The following RNF14 variants were observed in gnomAD, a reference collection of about 807,000 sequenced individuals.
RNF14 encodes the protein ring finger protein 14, also known as E3 ubiquitin-protein ligase RNF14.
In RNF14, 26 loss-of-function variants were observed where a neutral mutation model predicts 52.6. The ratio of observed to expected loss-of-function variants is 0.49; its 90% CI spans 0.36 to 0.69. The LOEUF (loss-of-function observed/expected upper bound fraction) is 0.69. Ranked by LOEUF, RNF14 falls within the 30% of genes least tolerant of loss-of-function variation. The pLI is 0.00. For missense variants in RNF14, 404 were observed against 560.4 expected (o/e 0.72, Z 2.82); for synonymous variants, 194 against 202.0 (o/e 0.96, Z 0.34).
intron 7 of RNF14, 36 bp from the exon 8 acceptor site, chr5:141,984,767 G>A: frequency 3.1e-6 from 5 of 1,609,130 alleles, no homozygotes; most frequent in Non-Finnish European, 4.3e-6. Flanking sequence ...TGCTTTTACA[G>A]CCTTGATATT....
the RNF14 span, chr5:141,951,446 G>T: frequency 2.2e-6 from 3 of 1,394,396 alleles, no homozygotes; most frequent in Non-Finnish European, 3.1e-6. Flanking sequence ...GATGAGGGGC[G>T]GCCAGTAGGG....
chr5:141,986,471 C>T (rs1051919297), intron 8 of RNF14, among the ~76,000 whole-genome samples: 1 of 152,224 alleles, frequency 6.6e-6, no homozygotes, highest in African/African-American at 2.4e-5. Context: ...ATAATAGTGT[C>T]TTGAAAGGGT....
At chr5:141,950,626 G>A in the RNF14 span, among the ~76,000 whole-genome samples, 3 of 152,150 alleles carry the variant, frequency 2.0e-5, no homozygotes, top group African/African-American at 2.4e-5. Context: ...ATCCAGGCCA[G>A]TGTGACCCTG....
chr5:141,985,061 A>G (rs1755115697), intron 8 of RNF14, 128 bp downstream of exon 8: 1 of 870,832 alleles, frequency 1.1e-6, no homozygotes, highest in African/African-American at 1.7e-5. Flanking sequence ...TTTCCCCTAT[A>G]AAGGAATTTT....
At chr5:141,977,592 C>G (rs1472852405) in intron 4 of RNF14, among the ~76,000 whole-genome samples, 1 of 152,224 alleles carries the variant, frequency 6.6e-6, no homozygotes, top group Non-Finnish European at 1.5e-5. Context: ...ATTTTGGTTG[C>G]TTAGCTTAGG....
At chr5:141,976,772 CTCTCTTTTTTTTTTTTT>C (rs1286806038) in intron 4 of RNF14, among the ~76,000 whole-genome samples, 1 of 147,170 alleles carries the variant, frequency 6.8e-6, no homozygotes. Context: ...CTGCCTTTCT[CTCTCTTTTTTTTTTTTT>C]TTTTTTTTTT....
At chr5:141,986,500 C>T (rs1325852409) in intron 8 of RNF14, among the ~76,000 whole-genome samples, 1 of 152,210 alleles carries the variant, frequency 6.6e-6, no homozygotes, top group Non-Finnish European at 1.5e-5. Context: ...AATTGCCTGA[C>T]TTCCCCAGTC....
chr5:141,981,851 C>CAA (rs948599356), intron 6 of RNF14, among the ~76,000 whole-genome samples: 19 of 108,586 alleles, frequency 1.7e-4, no homozygotes, highest in African/African-American at 5.5e-4. Flanking sequence ...GACCCTGTCT[C>CAA]AAAAAAAAAA....
At chr5:141,967,889 G>A (rs144898955), upstream of RNF14, among the ~76,000 whole-genome samples, 279 of 152,238 alleles carry the variant, frequency 1.8e-3, no homozygotes, top group African/African-American at 6.4e-3. Flanking sequence ...ACAATCCAGT[G>A]GTTTCTAGTA....
chr5:141,989,409 A>C lies in RNF14; in HGVS notation c.*1619A>C, dbSNP rs1004433016. On this transcript the variant is annotated 3_prime_UTR_variant, in exon 9 of 9. Transcript: ENST00000394520. ...ACATTTTGTGTAAAAATTGAGGTTA[A>C]TTTGCTGGGCACAGTGGCTCACGCC... 6.6e-6 allele frequency: 1 copy of C among 152,100 alleles called. No homozygotes were observed. Among genetic ancestry groups the C allele is most frequent in the African/African-American group, 2.4e-5 (1 of 41,442 alleles). The allele number at this position is 152,100 out of a possible 1,614,324, so 9.4% of individuals were successfully genotyped here.
chr5:141,978,487 A>G lies in RNF14; in HGVS notation c.491A>G (p.Asn164Ser), dbSNP rs1007633711. Reference sequence around the variant, plus strand: ...AGAAGGACAGCTCAAGCTTCTCCCAACACAGAGCTAGATTTTGGAGGAGCT... The same window carrying G: ...AGAAGGACAGCTCAAGCTTCTCCCAGCACAGAGCTAGATTTTGGAGGAGCT... The part of the protein sequence containing the change: ...VQRRTAQASP[N>S]TELDFGGAAG... The change falls in exon 5 of 9, where the codon AAC becomes AGC. Residue 164 changes from asparagine (N) to serine (S), a missense_variant. Asn to Ser is a conservative substitution (Grantham distance 46, BLOSUM62 1). Transcript: ENST00000394520. The G allele has an allele frequency of 5.6e-6, 9 of 1,614,078 alleles. No individual in the cohort carries two copies. The highest frequency in any genetic ancestry group is 5.3e-5 in the African/African-American group (4 of 74,924).
At chr5:141,976,309 G>A (rs977731726) in intron 4 of RNF14, among the ~76,000 whole-genome samples, 1 of 148,126 alleles carries the variant, frequency 6.8e-6, no homozygotes, top group Non-Finnish European at 1.5e-5. Flanking sequence ...ACGCATGTGC[G>A]TGCATGCACG....
At chr5:141,971,592 TTTCTTTCTTTCTTTCTTTCCTTTCTTTC>T in intron 2 of RNF14, among the ~76,000 whole-genome samples, 1 of 147,524 alleles carries the variant, frequency 6.8e-6, no homozygotes, top group Non-Finnish European at 1.5e-5. Context: ...TCTTTCTTTC[TTTCTTTCTTTCTTTCTTTCCTTTCTTTC>T]TTCTTTCTTT....
intron 1 of RNF14, among the ~76,000 whole-genome samples, chr5:141,959,383 G>A (rs1753235627): frequency 6.6e-6 from 1 of 152,178 alleles, no homozygotes; most frequent in Non-Finnish European, 1.5e-5. Context: ...TGAGCAGTTT[G>A]CTTGGGTGGG....
At chr5:141,959,311 A>G (rs1475736048) in intron 1 of RNF14, among the ~76,000 whole-genome samples, 36 of 151,992 alleles carry the variant, frequency 2.4e-4, no homozygotes, top group Admixed American at 2.3e-3. Flanking sequence ...AGATGTTTTA[A>G]GGGATACCCT....
upstream of RNF14, among the ~76,000 whole-genome samples, chr5:141,966,135 G>A (rs1753343448): frequency 6.6e-6 from 1 of 152,026 alleles, no homozygotes; most frequent in Non-Finnish European, 1.5e-5. Flanking sequence ...ACAAAAATTA[G>A]CCAGATGTGG....
intron 3 of RNF14, among the ~76,000 whole-genome samples, chr5:141,974,392 A>C (rs554926245): frequency 5.9e-5 from 9 of 152,330 alleles, no homozygotes; most frequent in Non-Finnish European, 1.0e-4. Flanking sequence ...TAGTTGGGAC[A>C]TGCTGGTCTA....
At chr5:141,975,924 CAAAAAAAAAA>C (rs5871799) in intron 4 of RNF14, among the ~76,000 whole-genome samples, 1 of 131,144 alleles carries the variant, frequency 7.6e-6, no homozygotes, top group Admixed American at 7.6e-5. Context: ...GACCCTGTCT[CAAAAAAAAAA>C]AAAAAAGAAA....
intron 8 of RNF14, among the ~76,000 whole-genome samples, chr5:141,985,162 G>A (rs1255338492): frequency 6.6e-6 from 1 of 152,120 alleles, no homozygotes; most frequent in Non-Finnish European, 1.5e-5. Context: ...CAGAAAATTT[G>A]AAAGGATAGG....
Sources: allele counts gnomAD v4.1 joint callset (sites outside exome capture counted in the v4.1 genomes callset), GRCh38; gene constraint gnomAD v4.1.1; transcripts MANE v1.5; gene names NCBI Gene and HGNC (gene_info 2026-07-23, HGNC 2026-07-21).